The following SORCS2 variants were observed in gnomAD, a reference collection of about 807,000 sequenced individuals.
SORCS2 encodes the protein VPS10 domain-containing receptor SorCS2.
SORCS2 carries 100 observed loss-of-function variants against 141.6 expected under a neutral mutation model. That is an observed-to-expected ratio of 0.71 (90% CI 0.60 to 0.83). SORCS2 has a LOEUF of 0.83. Ranked by LOEUF, SORCS2 falls within the 40% of genes least tolerant of loss-of-function variation. The probability of loss-of-function intolerance (pLI) is 0.00; values close to 1 mark genes in which losing one functional copy is unlikely to be tolerated. For missense variants in SORCS2, 1,646 were observed against 1,560.2 expected (o/e 1.05, Z -0.93); for synonymous variants, 789 against 676.9 (o/e 1.17, Z -2.57).
At chr4:7,545,268 G>A (rs754887441) in intron 3 of SORCS2, among the ~76,000 whole-genome samples, 2 of 152,122 alleles carry the variant, frequency 1.3e-5, no homozygotes, top group African/African-American at 2.4e-5. Context: ...ATGCAGAACT[G>A]AACCAAAACA....
intron 2 of SORCS2, among the ~76,000 whole-genome samples, chr4:7,469,559 T>C (rs1729844724): frequency 6.6e-6 from 1 of 152,214 alleles, no homozygotes; most frequent in Admixed American, 6.5e-5. Flanking sequence ...AATGCCTGCC[T>C]GAGTCTGTAG....
intron 1 of SORCS2, among the ~76,000 whole-genome samples, chr4:7,361,638 A>G (rs1164519365): frequency 6.6e-6 from 1 of 151,782 alleles, no homozygotes; most frequent in Non-Finnish European, 1.5e-5. Flanking sequence ...TGCTTGCCTG[A>G]CTCCAACAGT....
At chr4:7,398,723 A>C (rs1724378691) in intron 2 of SORCS2, among the ~76,000 whole-genome samples, 1 of 152,222 alleles carries the variant, frequency 6.6e-6, no homozygotes, top group African/African-American at 2.4e-5. Context: ...ATGTAGTGAC[A>C]GGGTCTGCGT....
At chr4:7,296,330 C>T (rs895929630) in intron 1 of SORCS2, among the ~76,000 whole-genome samples, 4 of 152,220 alleles carry the variant, frequency 2.6e-5, no homozygotes, top group East Asian at 1.9e-4. Flanking sequence ...GTGGTGAGCT[C>T]GTGTTAGCGG....
At chr4:7,271,663 C>T (rs531138999) in intron 1 of SORCS2, among the ~76,000 whole-genome samples, 19 of 152,326 alleles carry the variant, frequency 1.2e-4, no homozygotes, top group South Asian at 4.1e-4. Flanking sequence ...AGGAGGGGTG[C>T]GTTTGCTGTG....
intron 1 of SORCS2, among the ~76,000 whole-genome samples, chr4:7,280,519 G>A (rs144976951): frequency 1.6e-4 from 25 of 152,266 alleles, no homozygotes; most frequent in Non-Finnish European, 3.2e-4. Context: ...CCCCATCATC[G>A]TTCGCTCATG....
chr4:7,325,749 T>G (rs1719211202), intron 1 of SORCS2, among the ~76,000 whole-genome samples: 1 of 152,200 alleles, frequency 6.6e-6, no homozygotes. Flanking sequence ...CCCTGCAGCC[T>G]GAGCTCTGGG....
At chr4:7,322,737 G>C (rs73796634) in intron 1 of SORCS2, among the ~76,000 whole-genome samples, 4,633 of 152,242 alleles carry the variant, frequency 0.03, 217 homozygotes, top group African/African-American at 0.11. Flanking sequence ...TTTCCTTCTC[G>C]GGAGAGTTTG....
intron 4 of SORCS2, among the ~76,000 whole-genome samples, chr4:7,649,875 G>A (rs1262856682): frequency 1.3e-5 from 2 of 152,196 alleles, no homozygotes; most frequent in African/African-American, 2.4e-5. Flanking sequence ...TCATAAGGTG[G>A]TGCCCGTGAC....
At chr4:7,471,675 G>A (rs959586418) in intron 2 of SORCS2, among the ~76,000 whole-genome samples, 1 of 152,336 alleles carries the variant, frequency 6.6e-6, no homozygotes, top group South Asian at 2.1e-4. Flanking sequence ...CCCAGGTTCC[G>A]AGTGAAGGCC....
chr4:7,709,699 G>C (rs921385281), intron 14 of SORCS2, among the ~76,000 whole-genome samples: 2 of 152,186 alleles, frequency 1.3e-5, no homozygotes, highest in Non-Finnish European at 2.9e-5. Flanking sequence ...CGGCCACTCT[G>C]TCCTTCCCGG....
intron 2 of SORCS2, among the ~76,000 whole-genome samples, chr4:7,487,989 G>T (rs1212786037): frequency 6.6e-6 from 1 of 152,172 alleles, no homozygotes; most frequent in Non-Finnish European, 1.5e-5. Context: ...CAAGTGCTGG[G>T]CTTTCTTCCC....
intron 26 of SORCS2, among the ~76,000 whole-genome samples, chr4:7,739,556 G>A (rs1190549759): frequency 1.5e-4 from 23 of 152,222 alleles, no homozygotes; most frequent in Non-Finnish European, 4.4e-5. Flanking sequence ...TTTGAGGGGT[G>A]CGGTTGACCC....
At chr4:7,257,111 A>G (rs1388656368) in intron 1 of SORCS2, among the ~76,000 whole-genome samples, 1 of 152,074 alleles carries the variant, frequency 6.6e-6, no homozygotes, top group Non-Finnish European at 1.5e-5. Flanking sequence ...GAGAAGGGAT[A>G]TTATTAGAAT....
chr4:7,373,832 A>C (rs528448575), intron 1 of SORCS2, among the ~76,000 whole-genome samples: 189 of 152,146 alleles, frequency 1.2e-3, no homozygotes, highest in African/African-American at 4.3e-3. Flanking sequence ...CTGGATGTGT[A>C]CTTTGCAAAA....
chr4:7,209,354 T>C (rs1411308251), intron 1 of SORCS2, among the ~76,000 whole-genome samples: 1 of 152,174 alleles, frequency 6.6e-6, no homozygotes, highest in Non-Finnish European at 1.5e-5. Context: ...CCATCCCAGC[T>C]TCTGGATGGC....
chr4:7,361,548 G>T (rs931350579), intron 1 of SORCS2, among the ~76,000 whole-genome samples: 2 of 151,988 alleles, frequency 1.3e-5, no homozygotes, highest in Non-Finnish European at 2.9e-5. Flanking sequence ...GCAGCTGCAG[G>T]CCCCCTGCCT....
intron 11 of SORCS2, among the ~76,000 whole-genome samples, chr4:7,693,571 G>C (rs1024880024): frequency 6.6e-6 from 1 of 152,238 alleles, no homozygotes; most frequent in Non-Finnish European, 1.5e-5. Flanking sequence ...CTGTGTCCCA[G>C]CTGATCATCC....
Position 7,433,895 on chromosome 4 carries a change from G to A in SORCS2, c.548+37540G>A. On this transcript the variant is annotated intron_variant, in intron 2 of 26. Coordinates refer to ENST00000507866, the MANE Select transcript of SORCS2 (RefSeq NM_020777.3). The stretch of plus-strand genomic sequence containing the variant: ...ATGCACTCCTTCGTGATAGAGGCAG[G>A]CATTACCGAGCACACGCGCTCCAGG... The A allele has an allele frequency of 1.9e-6, 3 of 1,613,864 alleles. No homozygotes were observed. Among genetic ancestry groups the A allele is most frequent in the Non-Finnish European group, 2.5e-6 (3 of 1,179,896 alleles).
Sources: allele counts gnomAD v4.1 joint callset (sites outside exome capture counted in the v4.1 genomes callset), GRCh38; gene constraint gnomAD v4.1.1; transcripts MANE v1.5; gene names NCBI Gene and HGNC (gene_info 2026-07-23, HGNC 2026-07-21).